The following KIAA1328 variants were observed in gnomAD, a reference collection of about 807,000 sequenced individuals.
KIAA1328 encodes the protein protein hinderin.
A neutral mutation model predicts 68.1 loss-of-function variants in KIAA1328; 52 were observed. The observed-to-expected ratio is 0.76, with a 90% CI of 0.61 to 0.96. The LOEUF (loss-of-function observed/expected upper bound fraction) is 0.96. Ranked by LOEUF, KIAA1328 falls within the 40% of genes least tolerant of loss-of-function variation. The pLI is 0.00. For synonymous variants in KIAA1328, 232 were observed against 239.4 expected, an observed-to-expected ratio of 0.97 and a Z score of 0.28; for missense variants, 641 against 677.6, an observed-to-expected ratio of 0.95 and a Z score of 0.60.
intron 4 of KIAA1328, among the ~76,000 whole-genome samples, chr18:36,862,586 A>G (rs2047601369): frequency 6.6e-6 from 1 of 152,142 alleles, no homozygotes; most frequent in African/African-American, 2.4e-5. Flanking sequence ...GATGTACTGC[A>G]GTTTGTTTAA....
chr18:36,829,374 C>T, intron 1 of KIAA1328, 178 bp downstream of exon 1: 1 of 1,376,340 alleles, frequency 7.3e-7, no homozygotes, highest in Non-Finnish European at 9.3e-7. Context: ...TGTTAGGTGG[C>T]CGAGAGACTG....
intron 9 of KIAA1328, among the ~76,000 whole-genome samples, chr18:37,196,224 T>A (rs1280983427): frequency 6.6e-6 from 1 of 152,144 alleles, no homozygotes; most frequent in Non-Finnish European, 1.5e-5. Flanking sequence ...TAAGAACATG[T>A]CATCAGTGAA....
intron 7 of KIAA1328, among the ~76,000 whole-genome samples, chr18:37,124,727 A>G (rs2058351712): frequency 6.6e-6 from 1 of 152,096 alleles, no homozygotes; most frequent in African/African-American, 2.4e-5. Context: ...TCTGGCTCAG[A>G]ATGTTCTAAC....
At chr18:36,892,093 T>C (rs186103659) in intron 5 of KIAA1328, among the ~76,000 whole-genome samples, 32 of 152,202 alleles carry the variant, frequency 2.1e-4, no homozygotes, top group African/African-American at 6.7e-4. Context: ...CATCCCTGCA[T>C]AGGAGCCAGA....
chr18:37,212,708 ATTTAT>A (rs1454962210), intron 9 of KIAA1328, among the ~76,000 whole-genome samples: 3 of 152,048 alleles, frequency 2.0e-5, no homozygotes, highest in African/African-American at 7.2e-5. Context: ...TTTCCTTCAA[ATTTAT>A]TTATTTTATT....
chr18:37,027,176 T>C (rs2054617853), intron 6 of KIAA1328, among the ~76,000 whole-genome samples: 1 of 152,138 alleles, frequency 6.6e-6, no homozygotes, highest in Non-Finnish European at 1.5e-5. Flanking sequence ...GTGAAGGACC[T>C]CTTCAAGGAG....
intron 6 of KIAA1328, among the ~76,000 whole-genome samples, chr18:37,029,640 C>A (rs1338170333): frequency 6.6e-6 from 1 of 152,078 alleles, no homozygotes; most frequent in Non-Finnish European, 1.5e-5. Flanking sequence ...AGAGTATGTA[C>A]CAAGTGCAGA....
At chr18:36,877,736 G>A (rs1242674380) in intron 4 of KIAA1328, among the ~76,000 whole-genome samples, 1 of 143,888 alleles carries the variant, frequency 6.9e-6, no homozygotes. Flanking sequence ...GCGCGATCTC[G>A]ACTCACTGCA....
rs942100212 is a variant in KIAA1328 at position 37,225,037 on chromosome 18, G to A, written c.*2810G>A. The A allele has an allele frequency of 1.0e-6, 1 of 985,288 alleles. No individual in the cohort carries two copies. Among genetic ancestry groups the A allele is most frequent in the African/African-American group, 1.7e-5 (1 of 57,236 alleles). The allele number at this position is 985,288 out of a possible 1,614,324, so 61.0% of individuals were successfully genotyped here. On this transcript the variant is annotated 3_prime_UTR_variant, in exon 10 of 10. Coordinates refer to ENST00000280020, the MANE Select transcript of KIAA1328 (RefSeq NM_020776.3). The stretch of plus-strand genomic sequence containing the variant: ...TCCCCATGATGGGGACTTTTCTAGA[G>A]CACCCCAAATGTCATGGGGAGAGAG...
At chr18:37,143,521 C>CTTTTTTTTTTTTTTTTTTTTTTTTT (rs57046567) in intron 7 of KIAA1328, among the ~76,000 whole-genome samples, 16 of 90,780 alleles carry the variant, frequency 1.8e-4, no homozygotes, top group South Asian at 4.0e-4. Flanking sequence ...TTTTTTCTTT[C>CTTTTTTTTTTTTTTTTTTTTTTTTT]TTTTTTTTTT....
At chr18:37,011,530 A>G (rs1043949060) in intron 6 of KIAA1328, among the ~76,000 whole-genome samples, 1 of 152,162 alleles carries the variant, frequency 6.6e-6, no homozygotes, top group South Asian at 2.1e-4. Context: ...GTAGGTATTT[A>G]CCCAAATGAA....
chr18:37,003,049 G>A (rs1376869269), intron 6 of KIAA1328, among the ~76,000 whole-genome samples: 1 of 151,726 alleles, frequency 6.6e-6, no homozygotes, highest in South Asian at 2.1e-4. Context: ...TATCAGCCAA[G>A]TATACAACCG....
At chr18:36,939,335 A>AT (rs939869359) in intron 5 of KIAA1328, among the ~76,000 whole-genome samples, 1 of 151,912 alleles carries the variant, frequency 6.6e-6, no homozygotes, top group Non-Finnish European at 1.5e-5. Context: ...TAAGTATTTT[A>AT]TTTTTTATTT....
At chr18:37,189,343 GAA>G (rs770392996) in intron 9 of KIAA1328, among the ~76,000 whole-genome samples, 5 of 151,766 alleles carry the variant, frequency 3.3e-5, no homozygotes, top group Non-Finnish European at 7.4e-5. Flanking sequence ...AACATGGTGG[GAA>G]AAAAAGTCAG....
chr18:36,913,310 G>T (rs2049530413), intron 5 of KIAA1328, among the ~76,000 whole-genome samples: 1 of 151,386 alleles, frequency 6.6e-6, no homozygotes, highest in South Asian at 2.1e-4. Context: ...CTTGAGGCCA[G>T]GAGTTTGAGA....
intron 6 of KIAA1328, among the ~76,000 whole-genome samples, chr18:37,017,218 C>T (rs1406358766): frequency 6.6e-6 from 1 of 151,950 alleles, no homozygotes; most frequent in Non-Finnish European, 1.5e-5. Context: ...GTCATTTACC[C>T]AAAAGTCCTT....
intron 6 of KIAA1328, among the ~76,000 whole-genome samples, chr18:36,994,282 A>G (rs984787712): frequency 6.6e-6 from 1 of 152,208 alleles, no homozygotes; most frequent in Non-Finnish European, 1.5e-5. Flanking sequence ...AAAGCTCACA[A>G]TGGTTTCTGT....
intron 5 of KIAA1328, among the ~76,000 whole-genome samples, chr18:36,911,610 C>T (rs2049453428): frequency 6.6e-6 from 1 of 152,060 alleles, no homozygotes; most frequent in African/African-American, 2.4e-5. Flanking sequence ...AGCATTGAGA[C>T]AAGAAACACA....
chr18:37,144,366 T>G (rs997224606), intron 7 of KIAA1328, among the ~76,000 whole-genome samples: 1 of 152,140 alleles, frequency 6.6e-6, no homozygotes, highest in African/African-American at 2.4e-5. Flanking sequence ...GTTTCTTTTG[T>G]GTTTTTATTT....
Sources: allele counts gnomAD v4.1 joint callset (sites outside exome capture counted in the v4.1 genomes callset), GRCh38; gene constraint gnomAD v4.1.1; transcripts MANE v1.5; gene names NCBI Gene and HGNC (gene_info 2026-07-23, HGNC 2026-07-21).